NCOR2: variants seen among roughly 807,000 people sequenced by gnomAD.
The protein encoded by NCOR2 is CTG repeat protein 26.
NCOR2 carries 81 observed loss-of-function variants against 262.9 expected under a neutral mutation model. That is an observed-to-expected ratio of 0.31 (90% CI 0.26 to 0.37). The LOEUF (loss-of-function observed/expected upper bound fraction) is 0.37. Ranked by LOEUF, NCOR2 falls within the 10% of genes least tolerant of loss-of-function variation. NCOR2 has a pLI of 1.00. For missense variants in NCOR2, 3,385 were observed against 3,621.4 expected (o/e 0.93, Z 1.68); for synonymous variants, 1,659 against 1,559.3 (o/e 1.06, Z -1.51).
At chr12:124,335,199 A>G (rs764960724) in exon 40 of NCOR2, 1 of 1,611,216 alleles carries the variant, frequency 6.2e-7, no homozygotes, top group South Asian at 1.1e-5. Flanking sequence ...GGTCTGGAGC[A>G]GCGGGCTGGA....
At chr12:124,511,443 G>C (rs983076459) in intron 1 of NCOR2, among the ~76,000 whole-genome samples, 1 of 152,226 alleles carries the variant, frequency 6.6e-6, no homozygotes, top group Non-Finnish European at 1.5e-5. Flanking sequence ...AAGGGCACCC[G>C]GCAAACCTGG....
chr12:124,499,438 G>C (rs1269960689), upstream of NCOR2, among the ~76,000 whole-genome samples: 1 of 152,250 alleles, frequency 6.6e-6, no homozygotes, highest in South Asian at 2.1e-4. Flanking sequence ...CAGGCCAGGG[G>C]CTCTGCCCAG....
At chr12:124,330,058 C>T (rs776981669) in intron 44 of NCOR2, among the ~76,000 whole-genome samples, 4 of 152,214 alleles carry the variant, frequency 2.6e-5, no homozygotes, top group Non-Finnish European at 5.9e-5. Flanking sequence ...ATTCCCAGGG[C>T]TCAAGGCCCA....
intron 10 of NCOR2, among the ~76,000 whole-genome samples, chr12:124,428,154 C>T (rs924112568): frequency 6.6e-6 from 1 of 150,702 alleles, no homozygotes; most frequent in African/African-American, 2.4e-5. Flanking sequence ...AGGAGAGGGC[C>T]ACCGGCCTCC....
intron 8 of NCOR2, among the ~76,000 whole-genome samples, chr12:124,433,845 TACACACACACACAC>T (rs1204258133): frequency 0.091 from 1,666 of 18,234 alleles, 69 homozygotes; most frequent in East Asian, 0.2. Flanking sequence ...CTCTCTGTCT[TACACACACACACAC>T]ACACACACAC....
At chr12:124,567,002 A>G (rs1404867581) in intron 1 of NCOR2, among the ~76,000 whole-genome samples, 2 of 151,970 alleles carry the variant, frequency 1.3e-5, no homozygotes, top group Admixed American at 6.5e-5. Flanking sequence ...GCCGGCGCAC[A>G]CTGTGGGGGG....
intron 13 of NCOR2, among the ~76,000 whole-genome samples, chr12:124,412,774 A>G (rs1461401339): frequency 6.6e-6 from 1 of 152,246 alleles, no homozygotes; most frequent in African/African-American, 2.4e-5. Flanking sequence ...GGAAATGCAG[A>G]GTCTTGGATC....
rs144636045 is a variant in NCOR2 at position 124,359,869 on chromosome 12, G to A, written c.3100+2257C>T. Among the ~76,000 whole-genome samples the A allele has an allele frequency of 1.5e-3, 222 of 152,386 alleles. 3 individuals are homozygous for A. The East Asian group carries it at 0.035, about 24-fold the overall frequency. On this transcript the variant is annotated intron_variant, in intron 22 of 46. Coordinates refer to ENST00000405201, the Ensembl canonical transcript of NCOR2. ...GCTGGCTTCCTGAGAGACCAGAGAGGTAGCGCTGGGTGTCAAGTTCATGTG... is the reference window on the plus strand; with the variant it reads ...GCTGGCTTCCTGAGAGACCAGAGAGATAGCGCTGGGTGTCAAGTTCATGTG...
At chr12:124,364,937 G>A (rs1684570023) in intron 20 of NCOR2, among the ~76,000 whole-genome samples, 1 of 150,982 alleles carries the variant, frequency 6.6e-6, no homozygotes, top group South Asian at 2.1e-4. Flanking sequence ...GTATTTGGAG[G>A]CAGCCTGGAC....
At chr12:124,553,588 G>A (rs992588159) in intron 1 of NCOR2, among the ~76,000 whole-genome samples, 10 of 152,208 alleles carry the variant, frequency 6.6e-5, no homozygotes, top group African/African-American at 2.4e-4. Flanking sequence ...CCCCAGCAGT[G>A]CAGAGTCCAG....
intron 5 of NCOR2, among the ~76,000 whole-genome samples, chr12:124,463,638 A>G (rs2046287415): frequency 6.6e-6 from 1 of 152,252 alleles, no homozygotes; most frequent in African/African-American, 2.4e-5. Flanking sequence ...GCTGGCTCGA[A>G]AAACAGACCC....
chr12:124,325,167 A>C, exon 47 of NCOR2: 11 of 241,162 alleles, frequency 4.6e-5, no homozygotes, highest in Non-Finnish European at 5.5e-5. Context: ...CTTCCCGAGC[A>C]CCAGGTAAAC....
Position 124,372,307 on chromosome 12 carries a change from T to TC in NCOR2, c.2521dup (p.Glu841GlyfsTer9). Reference sequence around the variant, plus strand: ...CTCAGCCGCGGGGGGCTTCTGCTCCTCCCCCTCCTCCACTGGGGGCGCTGC... The same window carrying TC: ...CTCAGCCGCGGGGGGCTTCTGCTCCTCCCCCCTCCTCCACTGGGGGCGCTGC... On this transcript the variant is annotated frameshift_variant, in exon 20 of 47. Coordinates refer to ENST00000405201, the Ensembl canonical transcript of NCOR2. LOFTEE classifies it high-confidence loss of function. 1 of 1,528,618 alleles carries TC rather than the reference T, an allele frequency of 6.5e-7. No individual in the cohort carries two copies. The allele number at this position is 1,528,618 out of a possible 1,614,324, so 94.7% of individuals were successfully genotyped here.
At chr12:124,334,248 T>C (rs943825245) in intron 41 of NCOR2, 176 bp downstream of exon 43, 4 of 526,224 alleles carry the variant, frequency 7.6e-6, no homozygotes, top group Non-Finnish European at 1.0e-5. Context: ...TCAGCTATTA[T>C]TCGTTATGTA....
chr12:124,404,123 G>A (rs2042135265), intron 13 of NCOR2, among the ~76,000 whole-genome samples: 1 of 152,232 alleles, frequency 6.6e-6, no homozygotes, highest in South Asian at 2.1e-4. Context: ...GTGGAAGCTG[G>A]GGCAGGGAGG....
intron 28 of NCOR2, 88 bp downstream of exon 30, chr12:124,350,499 A>G (rs1325093692): frequency 6.6e-7 from 1 of 1,523,252 alleles, no homozygotes; most frequent in African/African-American, 1.4e-5. Flanking sequence ...TCTGATGTCA[A>G]TCCAGCCCTG....
At chr12:124,455,997 T>C (rs919194648) in intron 6 of NCOR2, among the ~76,000 whole-genome samples, 4 of 152,208 alleles carry the variant, frequency 2.6e-5, no homozygotes, top group African/African-American at 7.2e-5. Flanking sequence ...TGCCTCAGCC[T>C]CCCAAGTAGC....
exon 33 of NCOR2, chr12:124,343,068 G>C (rs1168412528): frequency 3.1e-6 from 5 of 1,612,482 alleles, no homozygotes; most frequent in Non-Finnish European, 4.2e-6. Context: ...ATGTGGCTGC[G>C]ATACAGGTCC....
At chr12:124,401,918 G>A (rs1412643701) in intron 14 of NCOR2, among the ~76,000 whole-genome samples, 2 of 152,186 alleles carry the variant, frequency 1.3e-5, no homozygotes, top group Admixed American at 6.5e-5. Flanking sequence ...AGGCTGTCAC[G>A]GCCCCCGCGG....
Sources: allele counts gnomAD v4.1 joint callset (sites outside exome capture counted in the v4.1 genomes callset), GRCh38; gene constraint gnomAD v4.1.1; transcripts MANE v1.5; gene names NCBI Gene and HGNC (gene_info 2026-07-23, HGNC 2026-07-21).